Variants in FAM135B observed in about 807,000 individuals in gnomAD.
FAM135B encodes the protein family with sequence similarity 135 member B.
Under a neutral mutation model 127.7 loss-of-function variants are expected in FAM135B, and 43 were observed. That is an observed-to-expected ratio of 0.34 (90% CI 0.26 to 0.43). The LOEUF is 0.43. Ranked by LOEUF, FAM135B falls within the 20% of genes least tolerant of loss-of-function variation. FAM135B has a pLI of 1.00. For missense variants in FAM135B, 1,558 were observed against 1,725.6 expected, an observed-to-expected ratio of 0.90 and a Z score of 1.72; for synonymous variants, 670 against 665.1, an observed-to-expected ratio of 1.01 and a Z score of -0.11.
intron 4 of FAM135B, among the ~76,000 whole-genome samples, chr8:138,257,137 G>A (rs147796841): frequency 2.6e-5 from 4 of 152,200 alleles, no homozygotes; most frequent in East Asian, 1.9e-4. Flanking sequence ...CAGTGAACTC[G>A]CAGTGAAATC....
At chr8:138,214,340 C>T (rs570216364) in intron 7 of FAM135B, among the ~76,000 whole-genome samples, 5 of 152,158 alleles carry the variant, frequency 3.3e-5, no homozygotes, top group African/African-American at 1.2e-4. Context: ...ACATAGTATG[C>T]TTAACATGGT....
intron 9 of FAM135B, among the ~76,000 whole-genome samples, chr8:138,192,368 AC>A (rs1816208089): frequency 6.6e-6 from 1 of 152,020 alleles, no homozygotes. Context: ...CCCAACACAA[AC>A]CCCCTTCTTG....
chr8:138,232,126 T>C (rs906761156), intron 7 of FAM135B, among the ~76,000 whole-genome samples: 4 of 152,246 alleles, frequency 2.6e-5, no homozygotes, highest in East Asian at 1.9e-4. Context: ...CCAGGTTTCC[T>C]TACTCCAAGG....
intron 19 of FAM135B, among the ~76,000 whole-genome samples, chr8:138,133,876 CT>C (rs1352688765): frequency 2.0e-5 from 3 of 152,080 alleles, no homozygotes; most frequent in African/African-American, 4.8e-5. Context: ...GGGGGTGTTT[CT>C]TTTCCCCCCC....
intron 1 of FAM135B, among the ~76,000 whole-genome samples, chr8:138,460,891 T>G (rs1837083596): frequency 6.6e-6 from 1 of 152,040 alleles, no homozygotes; most frequent in African/African-American, 2.4e-5. Context: ...CCTCAGCTCT[T>G]TATAGACCCT....
In FAM135B at chr8:138,198,415, G is replaced by A. The variant is rs148569652; in HGVS notation, c.670-746C>T. Among the ~76,000 whole-genome samples the A allele has an allele frequency of 1.9e-3, 285 of 152,286 alleles. 2 individuals carry two copies. In the East Asian group the frequency reaches 0.026, roughly 14 times the overall value. On this transcript the variant is annotated intron_variant, in intron 7 of 19. Transcript: ENST00000395297. ...AACCTTCTTTCCCCACTACTGCAGG[G>A]TGCACTATAGAGGCCATGGGACAGG... is the stretch of plus-strand genomic sequence containing the variant.
intron 4 of FAM135B, 59 bp from the exon 5 acceptor site, chr8:138,256,818 C>G (rs1012506106): frequency 7.9e-7 from 1 of 1,273,230 alleles, no homozygotes; most frequent in South Asian, 1.2e-5. Context: ...AAATGAAATA[C>G]TTAGCTGGTC....
chr8:138,484,372 T>C (rs1013098825), intron 1 of FAM135B, among the ~76,000 whole-genome samples: 2 of 152,218 alleles, frequency 1.3e-5, no homozygotes, highest in African/African-American at 2.4e-5. Context: ...TTTACTTTCA[T>C]GATTTATAGC....
At chr8:138,181,926 A>G (rs1418651716) in intron 9 of FAM135B, among the ~76,000 whole-genome samples, 1 of 151,912 alleles carries the variant, frequency 6.6e-6, no homozygotes, top group Admixed American at 6.6e-5. Context: ...CAGCCTTCTC[A>G]CTATTCCCAG....
chr8:138,200,753 A>G (rs1817054758), intron 7 of FAM135B, among the ~76,000 whole-genome samples: 1 of 152,188 alleles, frequency 6.6e-6, no homozygotes, highest in African/African-American at 2.4e-5. Flanking sequence ...TGACACACTT[A>G]TAAGTTGGAG....
chr8:138,415,211 A>G (rs1338208248), intron 1 of FAM135B, among the ~76,000 whole-genome samples: 3 of 152,200 alleles, frequency 2.0e-5, no homozygotes, highest in Non-Finnish European at 4.4e-5. Flanking sequence ...TTGTTAATCT[A>G]TGGCCTGGAG....
chr8:138,411,617 A>C (rs1396574309), intron 1 of FAM135B, among the ~76,000 whole-genome samples: 1 of 152,204 alleles, frequency 6.6e-6, no homozygotes, highest in African/African-American at 2.4e-5. Flanking sequence ...AATGGCAACA[A>C]AAGCCAAAAT....
chr8:138,463,178 T>TTGC (rs1837219933), intron 1 of FAM135B, among the ~76,000 whole-genome samples: 1 of 152,204 alleles, frequency 6.6e-6, no homozygotes, highest in Non-Finnish European at 1.5e-5. Flanking sequence ...TCGGGTTCTG[T>TTGC]TGCTAAGCAG....
intron 3 of FAM135B, among the ~76,000 whole-genome samples, chr8:138,277,012 G>C (rs1357744869): frequency 2.0e-5 from 3 of 152,198 alleles, no homozygotes; most frequent in Admixed American, 2.0e-4. Flanking sequence ...AGATGCACTG[G>C]CTGAATATTG....
intron 3 of FAM135B, among the ~76,000 whole-genome samples, chr8:138,304,291 G>T (rs1352748100): frequency 6.6e-6 from 1 of 152,208 alleles, no homozygotes; most frequent in Non-Finnish European, 1.5e-5. Context: ...AAACTCCCAG[G>T]AAAGTTTAAT....
intron 1 of FAM135B, among the ~76,000 whole-genome samples, chr8:138,492,839 C>T (rs751692071): frequency 2.0e-4 from 30 of 152,132 alleles, no homozygotes; most frequent in Non-Finnish European, 3.4e-4. Flanking sequence ...TCTTTGTTCC[C>T]GCAGACCCCC....
At chr8:138,417,040 A>G (rs1280574894) in intron 1 of FAM135B, among the ~76,000 whole-genome samples, 1 of 152,222 alleles carries the variant, frequency 6.6e-6, no homozygotes, top group Non-Finnish European at 1.5e-5. Context: ...TGGCAGAGAC[A>G]GAACTCCAGC....
chr8:138,279,112 TTC>T (rs1388581242), intron 3 of FAM135B, among the ~76,000 whole-genome samples: 1 of 152,232 alleles, frequency 6.6e-6, no homozygotes, highest in Non-Finnish European at 1.5e-5. Context: ...TCCTCTGACA[TTC>T]TTTTTTCCAC....
At chr8:138,219,723 C>T (rs35253786) in intron 7 of FAM135B, among the ~76,000 whole-genome samples, 69,255 of 151,930 alleles carry the variant, frequency 0.46, 17,111 homozygotes, top group East Asian at 0.66. Context: ...AAATGACTCA[C>T]TTTACCTCCC....
Sources: allele counts gnomAD v4.1 joint callset (sites outside exome capture counted in the v4.1 genomes callset), GRCh38; gene constraint gnomAD v4.1.1; transcripts MANE v1.5; gene names NCBI Gene and HGNC (gene_info 2026-07-23, HGNC 2026-07-21).